IQSEC1: variants seen among roughly 807,000 people sequenced by gnomAD.
The protein encoded by IQSEC1 is IQ motif and Sec7 domain ArfGEF 1.
Under a neutral mutation model 91.0 loss-of-function variants are expected in IQSEC1, and 31 were observed. That is an observed-to-expected ratio of 0.34 (90% CI 0.26 to 0.46). The LOEUF (loss-of-function observed/expected upper bound fraction) is 0.46. Among genes scored for constraint, IQSEC1 ranks in the 20% least tolerant of loss-of-function variants. The probability of loss-of-function intolerance (pLI) is 1.00; values close to 1 mark genes in which losing one functional copy is unlikely to be tolerated. For missense variants in IQSEC1, 1,388 were observed against 1,575.6 expected, an observed-to-expected ratio of 0.88 and a Z score of 2.02; for synonymous variants, 699 against 662.6, an observed-to-expected ratio of 1.05 and a Z score of -0.84.
At chr3:13,188,584 G>A (rs1259868664) in intron 1 of IQSEC1, among the ~76,000 whole-genome samples, 3 of 152,220 alleles carry the variant, frequency 2.0e-5, no homozygotes, top group Non-Finnish European at 2.9e-5. Flanking sequence ...CAGCTCTTAC[G>A]AGGCAAACCC....
chr3:12,898,763 T>C lies in IQSEC1; in HGVS notation c.*2220A>G, dbSNP rs1237118030. ...TGTGTTTACAGTCACGCCAATACAT[T>C]TTGCAAACGCACAACACGCAGAGCG... On this transcript the variant is annotated 3_prime_UTR_variant, in exon 14 of 14. Coordinates refer to ENST00000613206, the MANE Select transcript of IQSEC1 (RefSeq NM_001134382.3). 1 of 152,814 alleles carries C rather than the reference T, an allele frequency of 6.5e-6. No homozygotes were observed. Among genetic ancestry groups the C allele is most frequent in the Non-Finnish European group, 1.5e-5 (1 of 68,550 alleles). The allele number at this position is 152,814 out of a possible 1,614,324, so 9.5% of individuals were successfully genotyped here. A position where few individuals can be genotyped will look rare whatever the true frequency, so the allele number is the denominator to read the frequency against.
chr3:12,924,879 T>G lies in IQSEC1; in HGVS notation c.1569-137A>C. On this transcript the variant is annotated intron_variant, in intron 3 of 13. Coordinates refer to ENST00000613206, the MANE Select transcript of IQSEC1 (RefSeq NM_001134382.3). This position sits in a 1 kb window ranked among gnomAD's most constrained non-coding sequence, Gnocchi z 6.3. ...CACCGGCCTTCATCCCTGTAGGCATTCAGGGGTCTCTAGTTCCATCTCCAG... is the reference window on the plus strand; with the variant it reads ...CACCGGCCTTCATCCCTGTAGGCATGCAGGGGTCTCTAGTTCCATCTCCAG... The G allele has an allele frequency of 1.3e-6, 1 of 757,396 alleles. No individual in the cohort carries two copies. 46.9% of individuals were successfully genotyped at this position (757,396 alleles called of 1,614,324 possible).
At chr3:12,936,851 T>G (rs537672500) in intron 2 of IQSEC1, among the ~76,000 whole-genome samples, 154 bp from the exon 3 acceptor site, 2 of 152,122 alleles carry the variant, frequency 1.3e-5, no homozygotes, top group Non-Finnish European at 2.9e-5. Context: ...GGTGGGCTTA[T>G]GCAAAATATG....
intron 2 of IQSEC1, among the ~76,000 whole-genome samples, chr3:13,153,198 C>T (rs358352): frequency 0.33 from 49,627 of 151,830 alleles, 8,601 homozygotes; most frequent in East Asian, 0.53. Flanking sequence ...CTGGCTTCCT[C>T]TCTCAGCCCA....
intron 1 of IQSEC1, among the ~76,000 whole-genome samples, chr3:12,976,318 C>A (rs867387233): frequency 6.6e-6 from 1 of 152,246 alleles, no homozygotes; most frequent in Non-Finnish European, 1.5e-5. Context: ...ACCCCACAAG[C>A]CCAGGTGGGG....
intron 1 of IQSEC1, among the ~76,000 whole-genome samples, chr3:13,027,470 G>A (rs1703664917): frequency 6.6e-6 from 1 of 152,240 alleles, no homozygotes; most frequent in African/African-American, 2.4e-5. Context: ...GAGACCGCAA[G>A]GGGGCAATGG....
intron 1 of IQSEC1, among the ~76,000 whole-genome samples, chr3:13,050,983 G>A (rs922977969): frequency 1.3e-5 from 2 of 152,096 alleles, no homozygotes; most frequent in African/African-American, 2.4e-5. Context: ...CTCATTTTAT[G>A]TATGAGGGCA....
At position 12,909,161 on chromosome 3, in the gene IQSEC1, G is replaced by C. The variant is rs917488249; in HGVS notation, c.2578+112C>G. 8.6e-7 allele frequency: 1 copy of C among 1,165,060 alleles called. No individual in the cohort carries two copies. The highest frequency in any genetic ancestry group is 1.5e-5 in the African/African-American group (1 of 65,516). The allele number at this position is 1,165,060 out of a possible 1,614,324, so 72.2% of individuals were successfully genotyped here. On this transcript the variant is annotated intron_variant, in intron 11 of 13. Coordinates refer to ENST00000613206, the MANE Select transcript of IQSEC1 (RefSeq NM_001134382.3). The surrounding 1 kb of genome is among the most constrained non-coding windows in gnomAD (Gnocchi z 4.9). ...TGTGGCCATAGGGAAGGCCAGAAAA[G>C]ACTGGGGGACATCTTGTCTCTGTGA... is the stretch of plus-strand genomic sequence containing the variant.
chr3:13,213,260 A>AT (rs1214427451), intron 1 of IQSEC1, among the ~76,000 whole-genome samples: 1 of 152,174 alleles, frequency 6.6e-6, no homozygotes, highest in Non-Finnish European at 1.5e-5. Context: ...TTAAAAGTGG[A>AT]TATCTAATTG....
intron 2 of IQSEC1, among the ~76,000 whole-genome samples, chr3:13,092,274 A>G (rs1042398592): frequency 6.6e-6 from 1 of 152,180 alleles, no homozygotes; most frequent in Non-Finnish European, 1.5e-5. Context: ...TGCTCAGGGA[A>G]GTAAGTTCTG....
intron 2 of IQSEC1, among the ~76,000 whole-genome samples, chr3:13,143,613 G>A (rs560401123): frequency 3.2e-4 from 48 of 152,222 alleles, no homozygotes; most frequent in Non-Finnish European, 6.8e-4. Context: ...CACAGTGATT[G>A]GCTAAGGTCT....
intron 1 of IQSEC1, among the ~76,000 whole-genome samples, chr3:13,063,753 C>T (rs1295723863): frequency 2.0e-5 from 3 of 152,274 alleles, no homozygotes; most frequent in East Asian, 1.9e-4. Context: ...GGTGAGGGGC[C>T]GGCCCCAGTG....
intron 1 of IQSEC1, among the ~76,000 whole-genome samples, chr3:13,031,507 A>G (rs1055671144): frequency 6.6e-6 from 1 of 152,196 alleles, no homozygotes; most frequent in Non-Finnish European, 1.5e-5. Flanking sequence ...CGGCAAGCCC[A>G]TGGGGGATAA....
Position 12,899,684 on chromosome 3 carries a change from G to A in IQSEC1, c.*1299C>T. 1 of 985,426 alleles carries A rather than the reference G, an allele frequency of 1.0e-6. No homozygotes were observed. The highest frequency in any genetic ancestry group is 1.2e-6 in the Non-Finnish European group (1 of 829,932). 61.0% of individuals were successfully genotyped at this position (985,426 alleles called of 1,614,324 possible). A position where few individuals can be genotyped will look rare whatever the true frequency, so the allele number is the denominator to read the frequency against. ...GCACATGGCTACATGGAATTACGGT[G>A]ATCACTGCTACCACTCAGAAAACAA... On this transcript the variant is annotated 3_prime_UTR_variant, in exon 14 of 14. Transcript: ENST00000613206.
Position 13,008,068 on chromosome 3 carries a change from C to G in IQSEC1, c.23+64924G>C, listed in dbSNP as rs1435690369. 6.6e-6 allele frequency among the ~76,000 whole-genome samples: 1 copy of G among 152,172 alleles called. No homozygotes were observed. The highest frequency in any genetic ancestry group is 1.9e-4 in the East Asian group (1 of 5,196). Reference sequence around the variant, plus strand: ...CTTCCATAAGCCCACCCCAGGAACCCCAGGGAGGGGCCAGGTGCCTGGCCT... The same window carrying G: ...CTTCCATAAGCCCACCCCAGGAACCGCAGGGAGGGGCCAGGTGCCTGGCCT... On this transcript the variant is annotated intron_variant, in intron 1 of 13. Transcript: ENST00000613206. This position sits in a 1 kb window ranked among gnomAD's most constrained non-coding sequence, Gnocchi z 4.1.
intron 1 of IQSEC1, among the ~76,000 whole-genome samples, chr3:13,028,449 C>G (rs1163239480): frequency 6.6e-6 from 1 of 152,194 alleles, no homozygotes; most frequent in Non-Finnish European, 1.5e-5. Flanking sequence ...AGGGTAGAAA[C>G]AGGATCCTGA....
chr3:13,059,458 C>T (rs1333282556), intron 1 of IQSEC1, among the ~76,000 whole-genome samples: 2 of 152,216 alleles, frequency 1.3e-5, no homozygotes, highest in Non-Finnish European at 2.9e-5. Flanking sequence ...CACGGGGTGC[C>T]CTCTGGGTGA....
chr3:13,003,547 T>C (rs1031137703), intron 1 of IQSEC1, among the ~76,000 whole-genome samples: 1 of 152,206 alleles, frequency 6.6e-6, no homozygotes, highest in African/African-American at 2.4e-5. Flanking sequence ...AATAAAATTG[T>C]GATGGTTACA....
At chr3:13,110,225 G>A (rs1259455460) in intron 2 of IQSEC1, among the ~76,000 whole-genome samples, 5 of 151,992 alleles carry the variant, frequency 3.3e-5, no homozygotes, top group South Asian at 4.2e-4. Flanking sequence ...GAATGGTGCC[G>A]GGCATATAGG....
Sources: allele counts gnomAD v4.1 joint callset (sites outside exome capture counted in the v4.1 genomes callset), GRCh38; gene constraint gnomAD v4.1.1; non-coding constraint Gnocchi (gnomAD v3.1); transcripts MANE v1.5; gene names NCBI Gene and HGNC (gene_info 2026-07-23, HGNC 2026-07-21).